The following HMGN5 variants were observed in gnomAD, a reference collection of about 807,000 sequenced individuals.
HMGN5 encodes high mobility group nucleosome binding domain 5, also known as high mobility group nucleosome-binding domain-containing protein 5.
Under a neutral mutation model 9.5 loss-of-function variants are expected in HMGN5, and 4 were observed. The observed-to-expected ratio is 0.42, with a 90% CI of 0.21 to 0.96. The LOEUF is 0.96. Among genes scored for constraint, HMGN5 ranks in the 40% least tolerant of loss-of-function variants. The probability of loss-of-function intolerance (pLI) is 0.30; values close to 1 mark genes in which losing one functional copy is unlikely to be tolerated. For missense variants in HMGN5, 192 were observed against 187.5 expected (o/e 1.02, Z -0.14); for synonymous variants, 55 against 57.1 (o/e 0.96, Z 0.16).
At chrX:81,185,491 A>G (rs1039465198) in intron 1 of HMGN5, among the ~76,000 whole-genome samples, 4 of 112,025 alleles carry the variant, frequency 3.6e-5, no homozygotes, top group Non-Finnish European at 5.6e-5. Flanking sequence ...CTGAATTTGT[A>G]TATTAGTTCT....
In HMGN5 at chrX:81,137,867, G is replaced by A. The variant is rs780692121; in HGVS notation, c.-123-16195C>T. On this transcript the variant is annotated intron_variant, in intron 1 of 6. Transcript: ENST00000358130. ...AATATGGGGAATGAAACAGGAGATA[G>A]CACTACAGATCTTGCAGTTAATGAA... is the stretch of plus-strand genomic sequence containing the variant. 1.5e-4 allele frequency among the ~76,000 whole-genome samples: 17 copies of A among 111,398 alleles called. No individual in the cohort carries two copies. In the South Asian group the frequency reaches 6.3e-3, roughly 41 times the overall value.
At chrX:81,164,072 C>A (rs2075404725) in intron 1 of HMGN5, among the ~76,000 whole-genome samples, 2 of 111,803 alleles carry the variant, frequency 1.8e-5, no homozygotes, top group South Asian at 3.7e-4. Flanking sequence ...AGATGCCCAA[C>A]ACAATCAATG....
chrX:81,140,186 G>A (rs1052681360), intron 1 of HMGN5, among the ~76,000 whole-genome samples: 2 of 111,636 alleles, frequency 1.8e-5, no homozygotes, highest in African/African-American at 6.5e-5. Context: ...CCAGAGTTGT[G>A]AGGTCACTGT....
chrX:81,134,412 G>A (rs754041657), intron 1 of HMGN5, among the ~76,000 whole-genome samples: 2 of 111,189 alleles, frequency 1.8e-5, no homozygotes, highest in African/African-American at 6.5e-5. Context: ...TCATTAATAA[G>A]CTTTATTGAG....
At chrX:81,192,053 C>T (rs756403544) in intron 1 of HMGN5, among the ~76,000 whole-genome samples, 90 of 111,397 alleles carry the variant, frequency 8.1e-4, no homozygotes, top group African/African-American at 2.8e-3. Context: ...TCTGATAAAG[C>T]GATGCAATGG....
chrX:81,174,354 C>T (rs1372411926), intron 1 of HMGN5, among the ~76,000 whole-genome samples: 1 of 111,037 alleles, frequency 9.0e-6, no homozygotes, highest in Non-Finnish European at 1.9e-5. Flanking sequence ...AGTAAATAGG[C>T]GTTTAAAGAT....
chrX:81,187,930 A>G (rs1159347526), intron 1 of HMGN5, among the ~76,000 whole-genome samples: 1 of 111,495 alleles, frequency 9.0e-6, no homozygotes, highest in Non-Finnish European at 1.9e-5. Flanking sequence ...CTTATAACCC[A>G]TTATTTTTAG....
chrX:81,174,350 T>C (rs1209833200), intron 1 of HMGN5, among the ~76,000 whole-genome samples: 1 of 111,319 alleles, frequency 9.0e-6, no homozygotes. Flanking sequence ...CACTAGTAAA[T>C]AGGCGTTTAA....
chrX:81,166,387 G>A (rs1036931484), intron 1 of HMGN5, among the ~76,000 whole-genome samples: 2 of 111,539 alleles, frequency 1.8e-5, no homozygotes, highest in Non-Finnish European at 3.8e-5. Flanking sequence ...TTCTATTTGT[G>A]TATGTATGCA....
chrX:81,200,545 ATG>A (rs2075523039), intron 1 of HMGN5, among the ~76,000 whole-genome samples: 1 of 111,977 alleles, frequency 8.9e-6, no homozygotes, highest in Non-Finnish European at 1.9e-5. Flanking sequence ...GGATGAGTTC[ATG>A]TCCTTTGCAG....
At chrX:81,171,921 C>T (rs1218448987) in intron 1 of HMGN5, among the ~76,000 whole-genome samples, 1 of 110,744 alleles carries the variant, frequency 9.0e-6, no homozygotes, top group Non-Finnish European at 1.9e-5. Flanking sequence ...AAATGAAAAC[C>T]GATAAGAATG....
intron 1 of HMGN5, among the ~76,000 whole-genome samples, chrX:81,127,649 G>T (rs901922887): frequency 1.8e-5 from 2 of 110,243 alleles, no homozygotes; most frequent in Admixed American, 1.9e-4. Flanking sequence ...TATAACCTAC[G>T]AATTGTTTCG....
chrX:81,143,710 G>C (rs946030478), intron 1 of HMGN5, among the ~76,000 whole-genome samples: 1 of 112,521 alleles, frequency 8.9e-6, no homozygotes, highest in Non-Finnish European at 1.9e-5. Context: ...GCCTGGCTTG[G>C]TGGGTCCCAC....
chrX:81,137,875 G>A (rs1289590639), intron 1 of HMGN5, among the ~76,000 whole-genome samples: 1 of 111,385 alleles, frequency 9.0e-6, no homozygotes, highest in Non-Finnish European at 1.9e-5. Flanking sequence ...TAGCACTACA[G>A]ATCTTGCAGT....
intron 1 of HMGN5, among the ~76,000 whole-genome samples, chrX:81,132,599 G>T (rs2147547326): frequency 9.0e-6 from 1 of 111,624 alleles, no homozygotes; most frequent in South Asian, 3.7e-4. Flanking sequence ...ATAGGGAAAG[G>T]ATTCCGTGTT....
At chrX:81,121,735 A>C in intron 1 of HMGN5, 63 bp from the exon 2 acceptor site, 1 of 351,580 alleles carries the variant, frequency 2.8e-6, no homozygotes. Flanking sequence ...CAACCAAACT[A>C]CGTGAATGGT....
intron 1 of HMGN5, among the ~76,000 whole-genome samples, chrX:81,179,983 G>A (rs1334468573): frequency 9.0e-6 from 1 of 111,656 alleles, no homozygotes; most frequent in Non-Finnish European, 1.9e-5. Context: ...ATGGTGCTGG[G>A]AAAACTGGCT....
At chrX:81,124,922 TA>T (rs1174631334) in intron 1 of HMGN5, among the ~76,000 whole-genome samples, 1 of 110,607 alleles carries the variant, frequency 9.0e-6, no homozygotes, top group Non-Finnish European at 1.9e-5. Flanking sequence ...AGTAACCAGT[TA>T]AAAATGACAC....
chrX:81,140,836 G>A (rs5959819), intron 1 of HMGN5, among the ~76,000 whole-genome samples: 1 of 111,151 alleles, frequency 9.0e-6, no homozygotes, highest in Non-Finnish European at 1.9e-5. Context: ...GCCACGGGGG[G>A]ATAGTGCATC....
Sources: gnomAD v4.1 joint callset for allele counts (sites outside exome capture counted in the v4.1 genomes callset) on GRCh38, gnomAD v4.1.1 for gene constraint, MANE v1.5 for transcripts, NCBI Gene and HGNC (gene_info 2026-07-23, HGNC 2026-07-21) for gene names.